Variants in HSP90AA1 observed in about 807,000 individuals in gnomAD.
The protein encoded by HSP90AA1 is heat shock protein HSP 90-alpha.
A neutral mutation model predicts 73.3 loss-of-function variants in HSP90AA1; 18 were observed. That is an observed-to-expected ratio of 0.25 (90% CI 0.17 to 0.36). HSP90AA1 has a LOEUF of 0.36. HSP90AA1 is among the 10% of genes least tolerant of loss of function. The pLI is 1.00. For synonymous variants in HSP90AA1, 477 were observed against 296.9 expected, an observed-to-expected ratio of 1.61 and a Z score of -6.24; for missense variants, 704 against 874.2, an observed-to-expected ratio of 0.81 and a Z score of 2.45.
upstream of HSP90AA1, among the ~76,000 whole-genome samples, chr14:102,089,425 T>G (rs1012475710): frequency 6.6e-6 from 1 of 152,194 alleles, no homozygotes; most frequent in Non-Finnish European, 1.5e-5. Flanking sequence ...AGGACATTTT[T>G]GTCCTGTCTC....
chr14:102,085,737 A>C (rs2049215263), intron 3 of HSP90AA1, 21 bp downstream of exon 3: 1 of 1,613,828 alleles, frequency 6.2e-7, no homozygotes, highest in Non-Finnish European at 8.5e-7. Flanking sequence ...TCACTTAACC[A>C]GTGAATGTTC....
intron 2 of HSP90AA1, among the ~76,000 whole-genome samples, chr14:102,096,137 G>T (rs2049421201): frequency 1.3e-5 from 2 of 152,304 alleles, no homozygotes; most frequent in South Asian, 4.1e-4. Context: ...GTTCCCCAAG[G>T]CAGCCTAATG....
chr14:102,110,576 T>C (rs544348064), intron 1 of HSP90AA1, among the ~76,000 whole-genome samples: 94 of 140,910 alleles, frequency 6.7e-4, no homozygotes, highest in Non-Finnish European at 9.3e-4. Context: ...CCCACCACCA[T>C]GCCCGGATAA....
At position 102,084,840 on chromosome 14, in the gene HSP90AA1, C is replaced by A; in HGVS notation, c.822G>T (p.Lys274Asn). ...TTTCCTTAATCTTCTTCTTCTTCTT[C>A]TTGTCACCATCCTTCTTTTCTTCTT... is the stretch of plus-strand genomic sequence containing the variant. ...DEEEEKKDGD[K>N]KKKKKIKEKY... The change falls in exon 5 of 11, where the codon AAG (lysine) becomes AAT (asparagine). Residue 274 changes from lysine (K) to asparagine (N), a missense_variant. Transcript: ENST00000216281. The A allele has an allele frequency of 1.9e-6, 3 of 1,583,798 alleles. No homozygotes were observed. Among genetic ancestry groups the A allele is most frequent in the Non-Finnish European group, 2.6e-6 (3 of 1,152,490 alleles).
At position 102,081,420 on chromosome 14, in the gene HSP90AA1, A is replaced by C. The variant is rs1001614054; in HGVS notation, c.*292T>G. The C allele has an allele frequency of 3.5e-5, 15 of 423,356 alleles. No homozygotes were observed. The highest frequency in any genetic ancestry group is 6.0e-5 in the Non-Finnish European group (14 of 233,206). The allele number at this position is 423,356 out of a possible 1,614,324, so 26.2% of individuals were successfully genotyped here. Reference sequence around the variant, plus strand: ...TACTTAGGCATCCGGCTTGACAGCTAAACACTTTAGACCACAAAGTTAACA... The same window carrying C: ...TACTTAGGCATCCGGCTTGACAGCTCAACACTTTAGACCACAAAGTTAACA... On this transcript the variant is annotated 3_prime_UTR_variant, in exon 11 of 11. Transcript: ENST00000216281.
At chr14:102,139,372 G>T (rs764271914) in exon 1 of HSP90AA1, 2 of 1,599,296 alleles carry the variant, frequency 1.3e-6, no homozygotes, top group Non-Finnish European at 1.7e-6. Context: ...GCCCAGGAGG[G>T]GTGGAGCCGT....
intron 9 of HSP90AA1, 75 bp from the exon 10 acceptor site, chr14:102,082,519 G>T: frequency 2.5e-6 from 3 of 1,190,864 alleles, no homozygotes; most frequent in Non-Finnish European, 3.6e-6. Context: ...GAAATCTGTA[G>T]AACCCAAATT....
At position 102,086,322 on chromosome 14, in the gene HSP90AA1, C is replaced by T; in HGVS notation, c.57G>A (p.Thr19=). 2 of 1,614,150 alleles carry T rather than the reference C, an allele frequency of 1.2e-6. No individual in the cohort carries two copies. Among genetic ancestry groups the T allele is most frequent in the Non-Finnish European group, 1.7e-6 (2 of 1,180,016 alleles). The change falls in exon 2 of 11, where the codon ACG becomes ACA. Residue 19 remains threonine, a synonymous_variant. Coordinates refer to ENST00000216281, the MANE Select transcript of HSP90AA1 (RefSeq NM_005348.4). The part of the protein sequence containing the change: ...DQPMEEEEVE[T]FAFQAEIAQL... Reference sequence around the variant, plus strand: ...GGGCAATTTCTGCCTGAAAGGCGAACGTCTCAACCTCCTCCTCCTCCATCG... The same window carrying T: ...GGGCAATTTCTGCCTGAAAGGCGAATGTCTCAACCTCCTCCTCCTCCATCG...
chr14:102,097,001 T>C (rs2049433466), intron 2 of HSP90AA1, among the ~76,000 whole-genome samples: 1 of 152,146 alleles, frequency 6.6e-6, no homozygotes, highest in South Asian at 2.1e-4. Context: ...ATTTTTTTTT[T>C]TCTTGAGACA....
exon 2 of HSP90AA1, chr14:102,101,925 C>G (rs1035617461): frequency 4.3e-6 from 7 of 1,614,048 alleles, no homozygotes; most frequent in Non-Finnish European, 5.9e-6. Flanking sequence ...AGGTGTTGCC[C>G]TGCACCTTGG....
At chr14:102,132,165 G>A (rs2049914380) in intron 1 of HSP90AA1, among the ~76,000 whole-genome samples, 1 of 152,040 alleles carries the variant, frequency 6.6e-6, no homozygotes, top group South Asian at 2.1e-4. Flanking sequence ...TCAAGAGATT[G>A]AGACCATCCT....
chr14:102,084,927 TTTTTCTTCTTCTTTGTCTTCC>T lies in HSP90AA1; in HGVS notation c.714_734del (p.Asp240_Glu246del), dbSNP rs1184986812. On this transcript the variant is annotated inframe_deletion, in exon 5 of 11. Transcript: ENST00000216281. ...CTTCCGACTCTTTCTCTTCTTTTTC[TTTTTCTTCTTCTTTGTCTTCC>T]TTTTCTTCAGCCTCATCATCGCTTA... 10 of 1,594,060 alleles carry T rather than the reference TTTTTCTTCTTCTTTGTCTTCC, an allele frequency of 6.3e-6. No individual in the cohort carries two copies. Among genetic ancestry groups the T allele is most frequent in the Non-Finnish European group, 8.6e-6 (10 of 1,162,064 alleles).
intron 7 of HSP90AA1, 39 bp downstream of exon 7, chr14:102,083,754 A>G (rs763642129): frequency 1.6e-4 from 245 of 1,570,332 alleles, no homozygotes; most frequent in Non-Finnish European, 9.1e-5. Context: ...AAAAAAACTA[A>G]AGAGGCCAAT....
rs761348918 is a variant in HSP90AA1 at position 102,083,859 on chromosome 14, A to G, written c.1272T>C (p.Phe424=). 20 of 1,614,070 alleles carry G rather than the reference A, an allele frequency of 1.2e-5. No homozygotes were observed. Among genetic ancestry groups the G allele is most frequent in the African/African-American group, 5.3e-5 (4 of 75,038 alleles). The change falls in exon 7 of 11, where the codon TTT becomes TTC. Residue 424 remains phenylalanine, a synonymous_variant. Transcript: ENST00000216281. The part of the protein sequence containing the change: ...KNLVKKCLEL[F]TELAEDKENY... The stretch of plus-strand genomic sequence containing the variant: ...TCTCTTTATCTTCCGCCAGTTCAGT[A>G]AAGAGTTCTAAGCATTTTTTGACCA...
chr14:102,129,286 G>A (rs1388987230), intron 1 of HSP90AA1, among the ~76,000 whole-genome samples: 1 of 151,792 alleles, frequency 6.6e-6, no homozygotes, highest in Admixed American at 6.6e-5. Flanking sequence ...ATTACTACAG[G>A]CATGTGCCAC....
chr14:102,094,245 G>A (rs987268191), intron 2 of HSP90AA1, among the ~76,000 whole-genome samples: 4 of 152,278 alleles, frequency 2.6e-5, no homozygotes, highest in East Asian at 1.9e-4. Flanking sequence ...GCAGCACTGA[G>A]TGCGGCTGAA....
At position 102,110,736 on chromosome 14, in the gene HSP90AA1, C is replaced by T. The variant is rs144818604; in HGVS notation, c.156-8651G>A. ...CTCGGACTACAGGTGCCCCCCACCA[C>T]GCCCGGCTAATTTTTTTCTATTTTT... On this transcript the variant is annotated intron_variant, in intron 1 of 11. Transcript: ENST00000334701. Among the ~76,000 whole-genome samples the T allele has an allele frequency of 6.5e-4, 99 of 152,156 alleles. 1 individual carries two copies. The highest frequency in any genetic ancestry group is 1.6e-3 in the African/African-American group (66 of 41,530).
intron 1 of HSP90AA1, among the ~76,000 whole-genome samples, chr14:102,138,266 A>C (rs919666816): frequency 1.3e-5 from 2 of 152,062 alleles, no homozygotes; most frequent in African/African-American, 4.8e-5. Flanking sequence ...ATTAGGAAAC[A>C]CAGATAAATT....
intron 1 of HSP90AA1, among the ~76,000 whole-genome samples, chr14:102,121,227 A>G (rs2049775204): frequency 6.6e-6 from 1 of 151,012 alleles, no homozygotes; most frequent in Non-Finnish European, 1.5e-5. Context: ...TATATTTTGG[A>G]TATGTTTTCA....
Sources: gnomAD v4.1 joint callset for allele counts (sites outside exome capture counted in the v4.1 genomes callset) on GRCh38, gnomAD v4.1.1 for gene constraint, MANE v1.5 for transcripts, NCBI Gene and HGNC (gene_info 2026-07-23, HGNC 2026-07-21) for gene names.